Variants in CRYBG1 observed in about 807,000 individuals in gnomAD.
CRYBG1 encodes beta/gamma crystallin domain-containing protein 1.
In CRYBG1, 139 loss-of-function variants were observed where a neutral mutation model predicts 189.2. That is an observed-to-expected ratio of 0.73 (90% CI 0.64 to 0.85). The LOEUF (loss-of-function observed/expected upper bound fraction) is 0.85, where lower values mean the gene tolerates loss of function less well. Ranked by LOEUF, CRYBG1 falls within the 40% of genes least tolerant of loss-of-function variation. CRYBG1 has a pLI of 0.00. For synonymous variants in CRYBG1, 1,023 were observed against 1,017.1 expected (o/e 1.01, Z -0.11); for missense variants, 2,611 against 2,675.8 (o/e 0.98, Z 0.53).
At chr6:106,517,091 C>A (rs145431888) in intron 3 of CRYBG1, among the ~76,000 whole-genome samples, 1 of 147,994 alleles carries the variant, frequency 6.8e-6, no homozygotes, top group Non-Finnish European at 1.5e-5. Flanking sequence ...CTCACTGCAG[C>A]CTTGATCTTC....
chr6:106,406,931 T>C (rs1281363358), intron 1 of CRYBG1, among the ~76,000 whole-genome samples: 3 of 152,144 alleles, frequency 2.0e-5, no homozygotes, highest in Non-Finnish European at 4.4e-5. Context: ...TGCAAAAACA[T>C]ACCAAATTGT....
In CRYBG1 at chr6:106,563,882, G is replaced by T. The variant is rs939654193; in HGVS notation, c.6257G>T (p.Arg2086Met). 1.2e-6 allele frequency: 2 copies of T among 1,613,310 alleles called. No individual in the cohort carries two copies. The highest frequency in any genetic ancestry group is 2.7e-5 in the African/African-American group (2 of 74,896). Reference sequence around the variant, plus strand: ...TTCTGGAGCTTGAAGTCCGATGGCAGGATTTACAGCAAGTTGAAGCCAAAT... The same window carrying T: ...TTCTGGAGCTTGAAGTCCGATGGCATGATTTACAGCAAGTTGAAGCCAAAT... ...SQFWSLKSDG[R>M]IYSKLKPNLV... Residue 2086 changes from arginine to methionine, a missense_variant, in exon 21 of 22, where the codon AGG becomes ATG. By Grantham distance (91) the Arg-to-Met change is moderately conservative. Around this residue, in one of 3 missense-constraint regions of CRYBG1, gnomAD observed 1,622 missense variants for 1,735.0 expected, o/e 0.93. Transcript: ENST00000633556.
chr6:106,388,841 G>A (rs2114332783), intron 1 of CRYBG1, among the ~76,000 whole-genome samples: 1 of 152,276 alleles, frequency 6.6e-6, no homozygotes, highest in Non-Finnish European at 1.5e-5. Context: ...TCAGAGGGAT[G>A]ACTAGCTGAG....
At chr6:106,394,403 A>G (rs913971071) in intron 1 of CRYBG1, among the ~76,000 whole-genome samples, 2 of 152,192 alleles carry the variant, frequency 1.3e-5, no homozygotes, top group Non-Finnish European at 2.9e-5. Flanking sequence ...ATTTCCGTTT[A>G]TCACATATAC....
At chr6:106,483,391 G>GT (rs1772513172) in intron 2 of CRYBG1, among the ~76,000 whole-genome samples, 5 of 101,064 alleles carry the variant, frequency 4.9e-5, no homozygotes, top group Non-Finnish European at 9.1e-5. Context: ...TATATATATA[G>GT]ATATATATAT....
At chr6:106,385,483 A>G (rs1157621578) in intron 1 of CRYBG1, among the ~76,000 whole-genome samples, 1 of 152,204 alleles carries the variant, frequency 6.6e-6, no homozygotes, top group African/African-American at 2.4e-5. Flanking sequence ...GTCCATGCAT[A>G]TACTGACACA....
At chr6:106,508,633 CAT>C (rs1442994688) in intron 2 of CRYBG1, among the ~76,000 whole-genome samples, 1 of 152,204 alleles carries the variant, frequency 6.6e-6, no homozygotes, top group Non-Finnish European at 1.5e-5. Context: ...CATATCCTTA[CAT>C]GTTTCAGAAG....
At chr6:106,383,276 T>C (rs1258278729) in intron 1 of CRYBG1, among the ~76,000 whole-genome samples, 2 of 152,230 alleles carry the variant, frequency 1.3e-5, no homozygotes, top group Admixed American at 1.3e-4. Flanking sequence ...GGTCTGCATC[T>C]TAACCTCCAT....
intron 2 of CRYBG1, among the ~76,000 whole-genome samples, chr6:106,486,822 G>T (rs1019859125): frequency 6.6e-6 from 1 of 151,936 alleles, no homozygotes; most frequent in African/African-American, 2.4e-5. Flanking sequence ...TAATGGTGAG[G>T]TTCATCTCTT....
intron 1 of CRYBG1, among the ~76,000 whole-genome samples, chr6:106,422,344 A>ATTTATTTATTATTTTTTTTT (rs57640822): frequency 4.3e-5 from 6 of 139,928 alleles, no homozygotes; most frequent in Admixed American, 2.9e-4. Flanking sequence ...TTATTTATTT[A>ATTTATTTATTATTTTTTTTT]TTTTTGAGAC....
At chr6:106,515,756 AATTT>A (rs71726144) in intron 3 of CRYBG1, among the ~76,000 whole-genome samples, 37,200 of 141,158 alleles carry the variant, frequency 0.26, 5,447 homozygotes, top group East Asian at 0.34. Context: ...GCAGAGATCA[AATTT>A]ATTTATTTAT....
intron 1 of CRYBG1, among the ~76,000 whole-genome samples, chr6:106,422,344 A>ATTTATTTTTTTTTTTTTTTTTTTTTT (rs57640822): frequency 7.1e-6 from 1 of 139,928 alleles, no homozygotes; most frequent in African/African-American, 2.7e-5. Flanking sequence ...TTATTTATTT[A>ATTTATTTTTTTTTTTTTTTTTTTTTT]TTTTTGAGAC....
At chr6:106,471,233 C>T (rs1426663064) in intron 2 of CRYBG1, among the ~76,000 whole-genome samples, 1 of 152,182 alleles carries the variant, frequency 6.6e-6, no homozygotes, top group African/African-American at 2.4e-5. Flanking sequence ...TGATTCTAGT[C>T]TGCAGGCTGA....
chr6:106,375,421 G>GTAAGTAAGTAAA (rs1369650803), intron 1 of CRYBG1, among the ~76,000 whole-genome samples: 40 of 125,390 alleles, frequency 3.2e-4, no homozygotes, highest in African/African-American at 1.3e-3. Context: ...AAGTAAGTAA[G>GTAAGTAAGTAAA]TAAATAAATA....
chr6:106,498,290 C>T (rs1772900399), intron 2 of CRYBG1, among the ~76,000 whole-genome samples: 1 of 152,050 alleles, frequency 6.6e-6, no homozygotes, highest in Non-Finnish European at 1.5e-5. Flanking sequence ...AAAGCAAACA[C>T]CTGTATTACT....
intron 2 of CRYBG1, among the ~76,000 whole-genome samples, chr6:106,496,617 G>T (rs866764795): frequency 2.0e-4 from 30 of 152,038 alleles, no homozygotes; most frequent in African/African-American, 7.2e-4. Flanking sequence ...TCTTATTAGA[G>T]ACTAATTATA....
At chr6:106,484,855 G>A (rs1299128336) in intron 2 of CRYBG1, among the ~76,000 whole-genome samples, 1 of 152,124 alleles carries the variant, frequency 6.6e-6, no homozygotes, top group East Asian at 1.9e-4. Flanking sequence ...GCTGGATGTG[G>A]TGGTATGTTC....
chr6:106,376,179 G>GATGAATTTA (rs1770159930), intron 1 of CRYBG1, among the ~76,000 whole-genome samples: 1 of 152,110 alleles, frequency 6.6e-6, no homozygotes, highest in Admixed American at 6.5e-5. Flanking sequence ...ATATAGCTTA[G>GATGAATTTA]CAGTAAAGAT....
chr6:106,560,684 C>CAA lies in CRYBG1; in HGVS notation c.5856-118_5856-117dup, dbSNP rs1007943525. The CAA allele has an allele frequency of 1.2e-4, 145 of 1,188,450 alleles. 1 individual carries two copies. In the African/African-American group the frequency reaches 2.2e-3, roughly 18 times the overall value. The allele number at this position is 1,188,450 out of a possible 1,614,324, so 73.6% of individuals were successfully genotyped here. A position where few individuals can be genotyped will look rare whatever the true frequency, so the allele number is the denominator to read the frequency against. ...GTTCTAGAAAAGATCATTTTTCCCC[C>CAA]AATGTATGTTAAAAGTATATAGTTC... is the stretch of plus-strand genomic sequence containing the variant. On this transcript the variant is annotated intron_variant, in intron 18 of 21. Coordinates refer to ENST00000633556, the MANE Select transcript of CRYBG1 (RefSeq NM_001371242.2).
Sources: allele counts gnomAD v4.1 joint callset (sites outside exome capture counted in the v4.1 genomes callset), GRCh38; gene constraint gnomAD v4.1.1; regional missense constraint gnomAD v4.1.1; transcripts MANE v1.5; gene names NCBI Gene and HGNC (gene_info 2026-07-23, HGNC 2026-07-21).